VAT1L: variants seen among roughly 807,000 people sequenced by gnomAD.
The protein encoded by VAT1L is putative NADPH-dependent quinone oxidoreductase VAT1L.
VAT1L carries 34 observed loss-of-function variants against 44.1 expected under a neutral mutation model. The observed-to-expected ratio is 0.77, with a 90% CI of 0.59 to 1.03. The LOEUF is 1.03. VAT1L is among the 50% of genes least tolerant of loss of function. The pLI, the probability that VAT1L is intolerant of heterozygous loss-of-function variation, is 0.00. For synonymous variants in VAT1L, 253 were observed against 202.2 expected (o/e 1.25, Z -2.13); for missense variants, 615 against 538.8 (o/e 1.14, Z -1.40).
In VAT1L at chr16:77,934,718, T is replaced by C. The variant is rs115448311; in HGVS notation, c.1078-37132T>C. On this transcript the variant is annotated intron_variant, in intron 7 of 8. Transcript: ENST00000302536. ...GTGATCACCACAGCAAACTAGGAGT[T>C]AGAGCAGAGAACAGAGGGAGACAGG... Among the ~76,000 whole-genome samples the C allele has an allele frequency of 9.2e-3, 1,396 of 152,288 alleles. 23 individuals are homozygous for C. Among genetic ancestry groups the C allele is most frequent in the African/African-American group, 0.031 (1,270 of 41,540 alleles).
At position 77,795,277 on chromosome 16, in the gene VAT1L, T is replaced by G. The variant is rs1405374072; in HGVS notation, c.233+6362T>G. Among the ~76,000 whole-genome samples the G allele has an allele frequency of 3.8e-4, 27 of 71,160 alleles. 1 individual carries two copies. The highest frequency in any genetic ancestry group is 5.9e-4 in the Non-Finnish European group (18 of 30,616). 46.7% of individuals were successfully genotyped at this position (71,160 alleles called of 152,430 possible). On this transcript the variant is annotated intron_variant, in intron 1 of 8. Coordinates refer to ENST00000302536, the MANE Select transcript of VAT1L (RefSeq NM_020927.3). Reference sequence around the variant, plus strand: ...AAGCAATAATTGGTAGAATTTACAGTGGGGGCGGGGGGAAAGATTGAGAAA... The same window carrying G: ...AAGCAATAATTGGTAGAATTTACAGGGGGGGCGGGGGGAAAGATTGAGAAA...
intron 5 of VAT1L, among the ~76,000 whole-genome samples, chr16:77,877,981 A>C (rs905359183): frequency 2.0e-5 from 3 of 152,236 alleles, no homozygotes; most frequent in East Asian, 3.8e-4. Flanking sequence ...TCAAATGCAG[A>C]TGGACGATGT....
intron 7 of VAT1L, among the ~76,000 whole-genome samples, chr16:77,895,945 C>T (rs1307524275): frequency 6.6e-6 from 1 of 152,084 alleles, no homozygotes; most frequent in Admixed American, 6.6e-5. Flanking sequence ...GGGCTGAGAC[C>T]CAGGCCTGTG....
At chr16:77,945,352 T>A (rs2142516989) in intron 7 of VAT1L, among the ~76,000 whole-genome samples, 1 of 135,206 alleles carries the variant, frequency 7.4e-6, no homozygotes, top group East Asian at 2.3e-4. Context: ...AGTGATGCAG[T>A]CATAGCTCAC....
At chr16:77,862,124 T>C (rs4510022) in intron 3 of VAT1L, among the ~76,000 whole-genome samples, 41,710 of 152,082 alleles carry the variant, frequency 0.27, 6,034 homozygotes, top group East Asian at 0.49. Flanking sequence ...CTGATTCCCA[T>C]TGACTTTCCT....
chr16:77,877,699 GA>G (rs796605506), intron 5 of VAT1L, among the ~76,000 whole-genome samples: 1 of 151,950 alleles, frequency 6.6e-6, no homozygotes, highest in African/African-American at 2.4e-5. Flanking sequence ...GGCTAACTCA[GA>G]AAAAAACACT....
chr16:77,810,529 G>C (rs542603520), intron 1 of VAT1L, among the ~76,000 whole-genome samples: 1 of 152,288 alleles, frequency 6.6e-6, no homozygotes, highest in African/African-American at 2.4e-5. Flanking sequence ...GCCGGGCACG[G>C]TGGCCCAGCA....
chr16:77,814,645 T>C (rs9924956), intron 1 of VAT1L, among the ~76,000 whole-genome samples: 2,567 of 152,284 alleles, frequency 0.017, 76 homozygotes, highest in African/African-American at 0.057. Flanking sequence ...TTGGTTTTCA[T>C]GAAAAGAAAA....
intron 7 of VAT1L, among the ~76,000 whole-genome samples, chr16:77,947,382 C>T (rs546022027): frequency 2.6e-5 from 4 of 152,190 alleles, no homozygotes; most frequent in Non-Finnish European, 4.4e-5. Context: ...CTGAAGCAAT[C>T]GTAAAGATCA....
At chr16:77,814,745 T>C (rs2016323334) in intron 1 of VAT1L, among the ~76,000 whole-genome samples, 1 of 152,216 alleles carries the variant, frequency 6.6e-6, no homozygotes, top group Admixed American at 6.5e-5. Context: ...TGATGCGTTA[T>C]TTATTTGATT....
chr16:77,947,672 C>G (rs2017986118), intron 7 of VAT1L, among the ~76,000 whole-genome samples: 1 of 152,220 alleles, frequency 6.6e-6, no homozygotes. Context: ...CACGCCCAGT[C>G]CCCTGAATGA....
At chr16:77,857,456 G>A (rs1174250967) in intron 3 of VAT1L, among the ~76,000 whole-genome samples, 2 of 152,204 alleles carry the variant, frequency 1.3e-5, no homozygotes, top group African/African-American at 4.8e-5. Context: ...AAAATTTATT[G>A]AAAATGTTAC....
At chr16:77,925,520 C>A (rs929484418) in intron 7 of VAT1L, among the ~76,000 whole-genome samples, 1 of 152,164 alleles carries the variant, frequency 6.6e-6, no homozygotes, top group Non-Finnish European at 1.5e-5. Context: ...TTGCTTTTCT[C>A]TGCCCAGAGT....
At chr16:77,865,077 C>T (rs1289228264) in intron 4 of VAT1L, among the ~76,000 whole-genome samples, 1 of 151,028 alleles carries the variant, frequency 6.6e-6, no homozygotes, top group Non-Finnish European at 1.5e-5. Flanking sequence ...GGGTTCACGC[C>T]ATTCTCCTGC....
chr16:77,966,932 TAAAA>T (rs55896887), intron 7 of VAT1L, among the ~76,000 whole-genome samples: 8,295 of 106,380 alleles, frequency 0.078, 489 homozygotes, highest in Middle Eastern at 0.11. Flanking sequence ...TAGAGTACTT[TAAAA>T]AAAAAAAAAA....
chr16:77,947,417 G>C (rs545083082), intron 7 of VAT1L, among the ~76,000 whole-genome samples: 6 of 152,280 alleles, frequency 3.9e-5, no homozygotes, highest in African/African-American at 1.4e-4. Context: ...GCATGTCTCA[G>C]CATCCTACCT....
At chr16:77,969,991 A>G (rs2018261581) in intron 7 of VAT1L, among the ~76,000 whole-genome samples, 1 of 144,910 alleles carries the variant, frequency 6.9e-6, no homozygotes, top group South Asian at 2.2e-4. Context: ...ACGGGGGAGG[A>G]TCACTTGAGG....
intron 3 of VAT1L, among the ~76,000 whole-genome samples, chr16:77,860,932 G>C (rs1477809387): frequency 6.6e-6 from 1 of 152,220 alleles, no homozygotes; most frequent in Non-Finnish European, 1.5e-5. Flanking sequence ...CATAACAATG[G>C]AAAGTGGTAA....
intron 7 of VAT1L, among the ~76,000 whole-genome samples, chr16:77,944,749 TTATTTTAGGTC>T (rs1320124927): frequency 6.6e-6 from 1 of 152,200 alleles, no homozygotes; most frequent in Non-Finnish European, 1.5e-5. Context: ...ATCATTATTA[TTATTTTAGGTC>T]TATTTTAGTT....
Sources: gnomAD v4.1 joint callset for allele counts (sites outside exome capture counted in the v4.1 genomes callset) on GRCh38, gnomAD v4.1.1 for gene constraint, MANE v1.5 for transcripts, NCBI Gene and HGNC (gene_info 2026-07-23, HGNC 2026-07-21) for gene names.